Variants in SHC3 observed in about 807,000 individuals in gnomAD.
SHC3 encodes the protein SHC-transforming protein 3.
Under a neutral mutation model 60.4 loss-of-function variants are expected in SHC3, and 15 were observed. The observed-to-expected ratio is 0.25, with a 90% confidence interval of 0.17 to 0.38. The LOEUF is 0.38. Among genes scored for constraint, SHC3 ranks in the 10% least tolerant of loss-of-function variants. The probability of loss-of-function intolerance (pLI) is 1.00; values close to 1 mark genes in which losing one functional copy is unlikely to be tolerated. For missense variants in SHC3, 677 were observed against 786.1 expected (o/e 0.86, Z 1.66); for synonymous variants, 294 against 325.9 (o/e 0.90, Z 1.05).
At chr9:89,098,742 C>T (rs553910114) in intron 2 of SHC3, among the ~76,000 whole-genome samples, 4 of 151,350 alleles carry the variant, frequency 2.6e-5, no homozygotes, top group African/African-American at 4.9e-5. Flanking sequence ...ACCTGGGAGG[C>T]GGAGCTTGCA....
intron 2 of SHC3, among the ~76,000 whole-genome samples, chr9:89,107,574 C>A (rs138743175): frequency 3.3e-4 from 51 of 152,352 alleles, no homozygotes; most frequent in Non-Finnish European, 3.4e-4. Context: ...ACAGCATCAA[C>A]CCCTTCCTGC....
At chr9:89,051,770 A>G (rs939790087) in intron 7 of SHC3, among the ~76,000 whole-genome samples, 1 of 152,258 alleles carries the variant, frequency 6.6e-6, no homozygotes, top group Non-Finnish European at 1.5e-5. Context: ...AAAAAAATTT[A>G]TAATGAAGTC....
chr9:89,111,620 A>G (rs1014098477), intron 2 of SHC3, among the ~76,000 whole-genome samples: 7 of 152,132 alleles, frequency 4.6e-5, no homozygotes, highest in African/African-American at 1.7e-4. Flanking sequence ...TTGACCATGA[A>G]TTTCTTCAGT....
chr9:89,127,855 G>C (rs1484682724), intron 1 of SHC3, among the ~76,000 whole-genome samples: 1 of 151,526 alleles, frequency 6.6e-6, no homozygotes, highest in Non-Finnish European at 1.5e-5. Context: ...ATAGGATCCA[G>C]TATAAAAATG....
At chr9:89,035,602 A>C (rs1056014648) in intron 11 of SHC3, among the ~76,000 whole-genome samples, 4 of 152,182 alleles carry the variant, frequency 2.6e-5, no homozygotes, top group African/African-American at 9.6e-5. Flanking sequence ...AGCAGAGAAG[A>C]GATGAATGAT....
chr9:89,038,233 T>C lies in SHC3; in HGVS notation c.1416A>G (p.Ala472=), dbSNP rs753137129. The change falls in exon 11 of 12, where the codon GCA becomes GCG. Residue 472 remains alanine (A), a synonymous_variant. Coordinates refer to ENST00000375835, the MANE Select transcript of SHC3 (RefSeq NM_016848.6). ...CAGGGCTGATGCACTCCACGGAGGC[T>C]GCCTTGCTTAACACGGGCCCCAAGG... The part of the protein sequence containing the change: ...NQPLGPVLSK[A]ASVECISPVS... 1.2e-6 allele frequency: 2 copies of C among 1,613,872 alleles called. No individual in the cohort carries two copies. Among genetic ancestry groups the C allele is most frequent in the Admixed American group, 3.3e-5 (2 of 59,976 alleles).
At position 89,071,215 on chromosome 9, in the gene SHC3, G is replaced by T; in HGVS notation, c.767C>A (p.Ala256Asp). The change falls in exon 5 of 12, where the codon GCC becomes GAC. Residue 256 changes from alanine to aspartate, a missense_variant. Transcript: ENST00000375835. ...ANHHMRSISF[A>D]SGGDPDTTDY... ...GGTACTTACCGGGTCTCCCCCAGAG[G>T]CGAAGGAGATGGACCGCATGTGGTG... is the stretch of plus-strand genomic sequence containing the variant. 6.2e-7 allele frequency: 1 copy of T among 1,614,096 alleles called. No individual in the cohort carries two copies. The highest frequency in any genetic ancestry group is 8.5e-7 in the Non-Finnish European group (1 of 1,180,000).
chr9:89,079,849 T>C (rs1825417777), intron 2 of SHC3, among the ~76,000 whole-genome samples: 1 of 152,246 alleles, frequency 6.6e-6, no homozygotes, highest in Non-Finnish European at 1.5e-5. Flanking sequence ...ATCCCACTTG[T>C]GAGTCTTTAG....
At chr9:89,149,295 G>T (rs1826512574) in intron 1 of SHC3, among the ~76,000 whole-genome samples, 1 of 152,098 alleles carries the variant, frequency 6.6e-6, no homozygotes, top group Admixed American at 6.6e-5. Flanking sequence ...TGACTACAAG[G>T]TGGCTTCTTT....
chr9:89,090,028 G>GGA (rs1391599644), intron 2 of SHC3, among the ~76,000 whole-genome samples: 1 of 152,182 alleles, frequency 6.6e-6, no homozygotes, highest in Admixed American at 6.5e-5. Context: ...GCAAACACAC[G>GGA]GAGCCCTGAG....
intron 1 of SHC3, among the ~76,000 whole-genome samples, chr9:89,136,737 T>C (rs951077437): frequency 6.6e-6 from 1 of 152,248 alleles, no homozygotes; most frequent in Non-Finnish European, 1.5e-5. Context: ...TTCATTTTAC[T>C]CTATGGATTT....
chr9:89,043,699 T>G (rs1034406950), intron 9 of SHC3, among the ~76,000 whole-genome samples: 3 of 151,984 alleles, frequency 2.0e-5, no homozygotes, highest in African/African-American at 7.2e-5. Flanking sequence ...TCACCCAGGC[T>G]GGAATGCAAG....
At chr9:89,044,411 G>A (rs1383532504) in intron 9 of SHC3, among the ~76,000 whole-genome samples, 1 of 152,150 alleles carries the variant, frequency 6.6e-6, no homozygotes, top group Admixed American at 6.5e-5. Context: ...CTTACACAGA[G>A]GACATTTTAA....
In SHC3 at chr9:89,071,344, G is replaced by A. The variant is rs1825268273; in HGVS notation, c.730-92C>T. 6 of 1,312,834 alleles carry A rather than the reference G, an allele frequency of 4.6e-6. No homozygotes were observed. In the South Asian group the frequency reaches 7.6e-5, roughly 17 times the overall value. The allele number at this position is 1,312,834 out of a possible 1,614,324, so 81.3% of individuals were successfully genotyped here. A position where few individuals can be genotyped will look rare whatever the true frequency, so the allele number is the denominator to read the frequency against. The stretch of plus-strand genomic sequence containing the variant: ...TGTTTGTTGGCAGGCATTACAAATT[G>A]ACATGTTTTCCTGAAAATTGGTATC... On this transcript the variant is annotated intron_variant, in intron 4 of 11. Transcript: ENST00000375835.
At chr9:89,071,498 C>T (rs1825270406) in intron 4 of SHC3, among the ~76,000 whole-genome samples, 1 of 152,196 alleles carries the variant, frequency 6.6e-6, no homozygotes, top group Admixed American at 6.5e-5. Flanking sequence ...TGGGAACTAT[C>T]GTCATCCCAC....
chr9:89,144,343 A>G (rs1360908657), intron 1 of SHC3, among the ~76,000 whole-genome samples: 1 of 152,248 alleles, frequency 6.6e-6, no homozygotes, highest in Non-Finnish European at 1.5e-5. Context: ...CTGATGCCTA[A>G]CAGGATGGCT....
intron 10 of SHC3, among the ~76,000 whole-genome samples, chr9:89,039,319 C>A (rs998608622): frequency 1.3e-5 from 2 of 152,194 alleles, no homozygotes; most frequent in African/African-American, 4.8e-5. Context: ...GATGTTAGTA[C>A]AGCGTGGGCA....
intron 1 of SHC3, among the ~76,000 whole-genome samples, chr9:89,112,910 A>G (rs1825971012): frequency 6.6e-6 from 1 of 152,138 alleles, no homozygotes; most frequent in South Asian, 2.1e-4. Context: ...TGGAAGTATA[A>G]CTTATATACT....
intron 6 of SHC3, among the ~76,000 whole-genome samples, chr9:89,055,155 C>T (rs1452647869): frequency 2.0e-5 from 3 of 152,228 alleles, no homozygotes; most frequent in Non-Finnish European, 2.9e-5. Context: ...TCACATCTCC[C>T]GCTCCCTGAA....
Sources: gnomAD v4.1 joint callset for allele counts (sites outside exome capture counted in the v4.1 genomes callset) on GRCh38, gnomAD v4.1.1 for gene constraint, MANE v1.5 for transcripts, NCBI Gene and HGNC (gene_info 2026-07-23, HGNC 2026-07-21) for gene names.